The following ZNF423 variants were observed in gnomAD, a reference collection of about 807,000 sequenced individuals.
The protein encoded by ZNF423 is zinc finger protein 423, also known as Ebf-associated zinc finger protein.
In ZNF423, 12 loss-of-function variants were observed where a neutral mutation model predicts 95.8. The observed-to-expected ratio is 0.13, with a 90% CI of 0.08 to 0.20. ZNF423 has a LOEUF of 0.20. Ranked by LOEUF, ZNF423 falls within the 10% of genes least tolerant of loss-of-function variation. The probability of loss-of-function intolerance (pLI) is 1.00; values close to 1 mark genes in which losing one functional copy is unlikely to be tolerated. For missense variants in ZNF423, 1,316 were observed against 1,737.1 expected (o/e 0.76, Z 4.31); for synonymous variants, 749 against 711.9 (o/e 1.05, Z -0.83).
chr16:49,833,325 G>A (rs1260011548), intron 1 of ZNF423, among the ~76,000 whole-genome samples: 3 of 152,194 alleles, frequency 2.0e-5, no homozygotes, highest in Non-Finnish European at 2.9e-5. Flanking sequence ...AAAGGCCTAC[G>A]CATGCGCCCA....
intron 4 of ZNF423, among the ~76,000 whole-genome samples, chr16:49,634,626 C>T (rs549113961): frequency 6.6e-6 from 1 of 152,338 alleles, no homozygotes; most frequent in African/African-American, 2.4e-5. Flanking sequence ...GGCCCTTCCC[C>T]AAATCCTGCC....
intron 3 of ZNF423, among the ~76,000 whole-genome samples, chr16:49,655,158 G>A (rs1333416970): frequency 1.3e-5 from 2 of 152,140 alleles, no homozygotes; most frequent in African/African-American, 4.8e-5. Context: ...AGCAATGGCG[G>A]GAGCCATGGC....
chr16:49,590,029 AATATAT>A lies in ZNF423; in HGVS notation c.3601+36135_3601+36140del, dbSNP rs201361462. On this transcript the variant is annotated intron_variant, in intron 5 of 7. Coordinates refer to ENST00000563137, the MANE Select transcript of ZNF423 (RefSeq NM_001379286.1). Reference sequence around the variant, plus strand: ...GGGATGGGGTAAAGGGGAAGTGGCGAATATATATATATATATATATATTTGGTCCAT... The same window carrying A: ...GGGATGGGGTAAAGGGGAAGTGGCGAATATATATATATATATTTGGTCCAT... 7.5e-4 allele frequency among the ~76,000 whole-genome samples: 73 copies of A among 97,594 alleles called. 8 individuals are homozygous for A. Among genetic ancestry groups the A allele is most frequent in the South Asian group, 3.8e-3 (7 of 1,846 alleles). The allele number at this position is 97,594 out of a possible 152,430, so 64.0% of individuals were successfully genotyped here.
chr16:49,709,660 G>A (rs913656588), intron 3 of ZNF423, among the ~76,000 whole-genome samples: 6 of 152,128 alleles, frequency 3.9e-5, no homozygotes, highest in African/African-American at 1.4e-4. Context: ...TTAAGAAGTG[G>A]GGCTTTTGGC....
Position 49,625,213 on chromosome 16 carries a change from C to T in ZNF423, c.3601+957G>A, listed in dbSNP as rs180686454. Among the ~76,000 whole-genome samples, 72 of 152,266 alleles carry T rather than the reference C, an allele frequency of 4.7e-4. 1 individual carries two copies. The highest frequency in any genetic ancestry group is 1.5e-3 in the East Asian group (8 of 5,174). ...CCAAGATGGTGAAAAATTAGCCAGGCGCAGTGGCAGGTGCCTGTAATCCCA... is the reference window on the plus strand; with the variant it reads ...CCAAGATGGTGAAAAATTAGCCAGGTGCAGTGGCAGGTGCCTGTAATCCCA... On this transcript the variant is annotated intron_variant, in intron 5 of 7. Transcript: ENST00000563137.
Position 49,620,178 on chromosome 16 carries a change from CACACATACACACACAT to C in ZNF423, c.3601+5976_3601+5991del, listed in dbSNP as rs1375330693. On this transcript the variant is annotated intron_variant, in intron 5 of 7. Coordinates refer to ENST00000563137, the MANE Select transcript of ZNF423 (RefSeq NM_001379286.1). The stretch of plus-strand genomic sequence containing the variant: ...ACACACACACCACACACACACAACA[CACACATACACACACAT>C]ACACATACACACACAGACACACACA... 1.9e-3 allele frequency among the ~76,000 whole-genome samples: 292 copies of C among 151,176 alleles called. 1 individual carries two copies. The highest frequency in any genetic ancestry group is 6.8e-3 in the African/African-American group (278 of 41,088).
intron 2 of ZNF423, among the ~76,000 whole-genome samples, chr16:49,748,887 T>C (rs1390108258): frequency 6.6e-6 from 1 of 152,162 alleles, no homozygotes; most frequent in African/African-American, 2.4e-5. Context: ...CTTCCCGGGA[T>C]ACCAGGTTCT....
intron 5 of ZNF423, among the ~76,000 whole-genome samples, chr16:49,622,580 G>A (rs367761603): frequency 1.6e-4 from 24 of 152,190 alleles, no homozygotes; most frequent in African/African-American, 5.1e-4. Context: ...CCTGTTCTGG[G>A]AGCACCCACA....
At chr16:49,765,583 T>C (rs1265713766) in intron 2 of ZNF423, among the ~76,000 whole-genome samples, 3 of 151,744 alleles carry the variant, frequency 2.0e-5, no homozygotes, top group Non-Finnish European at 2.9e-5. Flanking sequence ...AGCTGGACAT[T>C]GTAGCATGCA....
intron 1 of ZNF423, among the ~76,000 whole-genome samples, chr16:49,843,366 C>T (rs2035211319): frequency 6.6e-6 from 1 of 152,174 alleles, no homozygotes; most frequent in Admixed American, 6.5e-5. Context: ...TAGGTGCTAT[C>T]TCCTAGACTA....
At position 49,855,088 on chromosome 16, in the gene ZNF423, G is replaced by A; in HGVS notation, c.40+647C>T. ...GCTCCCTGCCCGGTGGGCCTCGGTGGAGGAGGCAGGAAGTGCAGGGGCCCG... is the reference window on the plus strand; with the variant it reads ...GCTCCCTGCCCGGTGGGCCTCGGTGAAGGAGGCAGGAAGTGCAGGGGCCCG... On this transcript the variant is annotated intron_variant, in intron 1 of 7. Transcript: ENST00000563137. This position sits in a 1 kb window ranked among gnomAD's most constrained non-coding sequence, Gnocchi z 4.7. 1 of 972,646 alleles carries A rather than the reference G, an allele frequency of 1.0e-6. No homozygotes were observed. Among genetic ancestry groups the A allele is most frequent in the South Asian group, 4.8e-5 (1 of 20,994 alleles). The allele number at this position is 972,646 out of a possible 1,614,324, so 60.3% of individuals were successfully genotyped here.
chr16:49,666,872 G>A (rs564690551), intron 3 of ZNF423, among the ~76,000 whole-genome samples: 9 of 151,998 alleles, frequency 5.9e-5, no homozygotes, highest in South Asian at 2.1e-4. Flanking sequence ...GAGTGGGGCT[G>A]GGACCCCAGA....
intron 5 of ZNF423, among the ~76,000 whole-genome samples, chr16:49,615,130 TCACACA>T (rs61428028): frequency 6.4e-5 from 9 of 141,152 alleles, no homozygotes; most frequent in East Asian, 6.3e-4. Flanking sequence ...AAACTCCATC[TCACACA>T]CACACACACA....
At chr16:49,792,911 G>C (rs1449108954) in intron 1 of ZNF423, among the ~76,000 whole-genome samples, 3 of 151,924 alleles carry the variant, frequency 2.0e-5, no homozygotes, top group Non-Finnish European at 4.4e-5. Flanking sequence ...ATAAGCGTGT[G>C]CCACTTCATC....
intron 3 of ZNF423, among the ~76,000 whole-genome samples, chr16:49,642,804 T>TCTTTC (rs558387277): frequency 1.8e-4 from 25 of 137,956 alleles, no homozygotes; most frequent in African/African-American, 3.2e-4. Flanking sequence ...CTCTTTTCTT[T>TCTTTC]TTTTTTTTTT....
At chr16:49,747,049 G>C (rs2033539865) in intron 2 of ZNF423, among the ~76,000 whole-genome samples, 1 of 152,138 alleles carries the variant, frequency 6.6e-6, no homozygotes, top group Non-Finnish European at 1.5e-5. Context: ...CAGAGATCGG[G>C]GGAAAGAGTT....
At chr16:49,653,096 C>T (rs940688008) in intron 3 of ZNF423, among the ~76,000 whole-genome samples, 10 of 152,054 alleles carry the variant, frequency 6.6e-5, no homozygotes, top group Non-Finnish European at 7.4e-5. Flanking sequence ...ACATATTTAA[C>T]GCGGCATTGG....
At chr16:49,608,230 G>A (rs537097388) in intron 5 of ZNF423, among the ~76,000 whole-genome samples, 1 of 152,300 alleles carries the variant, frequency 6.6e-6, no homozygotes, top group Admixed American at 6.5e-5. Context: ...TGCTGGCACA[G>A]GAACAAGGGA....
At chr16:49,820,156 G>A (rs2034919987) in intron 1 of ZNF423, among the ~76,000 whole-genome samples, 1 of 152,064 alleles carries the variant, frequency 6.6e-6, no homozygotes, top group South Asian at 2.1e-4. Flanking sequence ...ATGGAAGGAT[G>A]GACAGTGAGC....
Sources: allele counts gnomAD v4.1 joint callset (sites outside exome capture counted in the v4.1 genomes callset), GRCh38; gene constraint gnomAD v4.1.1; non-coding constraint Gnocchi (gnomAD v3.1); transcripts MANE v1.5; gene names NCBI Gene and HGNC (gene_info 2026-07-23, HGNC 2026-07-21).